NEK7: variants seen among roughly 807,000 people sequenced by gnomAD.
NEK7 encodes serine/threonine-protein kinase Nek7.
A neutral mutation model predicts 44.6 loss-of-function variants in NEK7; 18 were observed. The ratio of observed to expected loss-of-function variants is 0.40; its 90% CI spans 0.28 to 0.60. The LOEUF (loss-of-function observed/expected upper bound fraction) is 0.60. NEK7 is among the 20% of genes least tolerant of loss of function. NEK7 has a pLI of 0.38. For missense variants in NEK7, 256 were observed against 366.5 expected (o/e 0.70, Z 2.46); for synonymous variants, 130 against 121.1 (o/e 1.07, Z -0.48).
chr1:198,272,576 CT>C (rs1653888388), intron 5 of NEK7, among the ~76,000 whole-genome samples: 1 of 151,758 alleles, frequency 6.6e-6, no homozygotes, highest in Non-Finnish European at 1.5e-5. Flanking sequence ...TTCTGTTTAT[CT>C]TTGTGACCTT....
rs576679751 is a variant in NEK7 at position 198,267,642 on chromosome 1, C to T, written c.372+3407C>T. ...TATTTTTAGTAGAGATGGGATTTCCCCATATTGATCAGGGTGATCTCGAAC... is the reference window on the plus strand; with the variant it reads ...TATTTTTAGTAGAGATGGGATTTCCTCATATTGATCAGGGTGATCTCGAAC... On this transcript the variant is annotated intron_variant, in intron 5 of 9. Transcript: ENST00000367385. Among the ~76,000 whole-genome samples the T allele has an allele frequency of 3.0e-4, 46 of 151,970 alleles. No individual in the cohort carries two copies. In the South Asian group the frequency reaches 9.3e-3, roughly 31 times the overall value.
chr1:198,310,320 G>A (rs1655140069), intron 9 of NEK7, among the ~76,000 whole-genome samples: 1 of 151,932 alleles, frequency 6.6e-6, no homozygotes, highest in African/African-American at 2.4e-5. Context: ...ATTTGTTTGA[G>A]TTCATTGTAG....
At chr1:198,163,095 T>A (rs555835786) in intron 1 of NEK7, among the ~76,000 whole-genome samples, 2 of 152,286 alleles carry the variant, frequency 1.3e-5, no homozygotes, top group South Asian at 4.1e-4. Context: ...ATATTATGGT[T>A]GGAAAAGTTG....
At chr1:198,185,963 A>G (rs1255437053) in intron 1 of NEK7, among the ~76,000 whole-genome samples, 2 of 152,238 alleles carry the variant, frequency 1.3e-5, no homozygotes, top group Non-Finnish European at 2.9e-5. Flanking sequence ...ATGAAAATCT[A>G]TAAATCATCT....
At chr1:198,230,151 G>A (rs1666343807) in intron 1 of NEK7, among the ~76,000 whole-genome samples, 1 of 152,124 alleles carries the variant, frequency 6.6e-6, no homozygotes, top group African/African-American at 2.4e-5. Context: ...AGGGGTCTTT[G>A]ACCAGGAAAC....
intron 1 of NEK7, among the ~76,000 whole-genome samples, chr1:198,203,315 T>C (rs772618984): frequency 1.1e-4 from 17 of 152,330 alleles, no homozygotes; most frequent in Non-Finnish European, 1.3e-4. Context: ...AAATCTTTTG[T>C]ATAATGAAGA....
intron 1 of NEK7, among the ~76,000 whole-genome samples, chr1:198,198,899 C>T (rs917763754): frequency 5.9e-5 from 9 of 152,224 alleles, no homozygotes; most frequent in African/African-American, 1.9e-4. Context: ...CAATAAATTT[C>T]CTTCAGTTGG....
intron 9 of NEK7, among the ~76,000 whole-genome samples, chr1:198,317,618 TTGAAGGA>T (rs1250253862): frequency 2.0e-5 from 3 of 152,204 alleles, no homozygotes; most frequent in Non-Finnish European, 4.4e-5. Flanking sequence ...CTGAACCAGC[TTGAAGGA>T]TGTGGCAGTG....
At chr1:198,173,453 G>A (rs955208682) in intron 1 of NEK7, among the ~76,000 whole-genome samples, 16 of 150,950 alleles carry the variant, frequency 1.1e-4, no homozygotes, top group African/African-American at 3.9e-4. Flanking sequence ...AAAAAGGACA[G>A]CTTTTTTGAA....
chr1:198,234,305 G>T (rs1259984187), intron 2 of NEK7, among the ~76,000 whole-genome samples: 1 of 138,020 alleles, frequency 7.2e-6, no homozygotes, highest in African/African-American at 2.7e-5. Context: ...ATTTCAAGAA[G>T]AATTTTTTTT....
Position 198,319,506 on chromosome 1 carries a change from G to A in NEK7, c.893G>A (p.Cys298Tyr), listed in dbSNP as rs1655475737. The change falls in exon 10 of 10, where the codon TGC becomes TAC. Residue 298 changes from cysteine (C) to tyrosine (Y), a missense_variant. Transcript: ENST00000367385. ...VYDVAKRMHA[C>Y]TASS ...GACGTAGCAAAGAGGATGCATGCAT[G>A]CACTGCAAGCAGCTAAACATGCAAG... 1.9e-6 allele frequency: 3 copies of A among 1,607,538 alleles called. No individual in the cohort carries two copies. The highest frequency in any genetic ancestry group is 1.7e-4 in the Middle Eastern group (1 of 6,042).
chr1:198,298,496 T>C (rs1324395723), intron 9 of NEK7, among the ~76,000 whole-genome samples: 2 of 152,210 alleles, frequency 1.3e-5, no homozygotes, highest in Non-Finnish European at 2.9e-5. Context: ...GTGATGATAA[T>C]TTAAAAGTAT....
intron 4 of NEK7, among the ~76,000 whole-genome samples, chr1:198,263,894 T>C (rs780044267): frequency 6.6e-6 from 1 of 151,962 alleles, no homozygotes; most frequent in Non-Finnish European, 1.5e-5. Context: ...GATTTAAACG[T>C]AAAATATATT....
chr1:198,209,281 A>G (rs988226735), intron 1 of NEK7, among the ~76,000 whole-genome samples: 1 of 151,532 alleles, frequency 6.6e-6, no homozygotes, highest in African/African-American at 2.4e-5. Flanking sequence ...TGCTTTTCTT[A>G]AAAACAGTGT....
chr1:198,239,325 C>T (rs1025757817), intron 2 of NEK7, among the ~76,000 whole-genome samples: 1 of 152,046 alleles, frequency 6.6e-6, no homozygotes, highest in Admixed American at 6.6e-5. Flanking sequence ...TGTGCCATTT[C>T]GAATTTTGGA....
intron 9 of NEK7, among the ~76,000 whole-genome samples, chr1:198,302,574 T>C (rs1654921562): frequency 6.6e-6 from 1 of 152,170 alleles, no homozygotes; most frequent in South Asian, 2.1e-4. Flanking sequence ...AAAGTACAGG[T>C]ATTTTTTCCT....
At chr1:198,233,314 G>A (rs190848208) in intron 2 of NEK7, among the ~76,000 whole-genome samples, 561 of 152,172 alleles carry the variant, frequency 3.7e-3, no homozygotes, top group African/African-American at 0.013. Flanking sequence ...AGTAAAAAAT[G>A]TACACATATT....
chr1:198,313,843 T>A (rs374675683), intron 9 of NEK7, among the ~76,000 whole-genome samples: 1 of 151,966 alleles, frequency 6.6e-6, no homozygotes, highest in Non-Finnish European at 1.5e-5. Context: ...TGAGGGTAAC[T>A]CGACCTTTCT....
intron 1 of NEK7, among the ~76,000 whole-genome samples, chr1:198,230,958 A>G: frequency 6.6e-6 from 1 of 151,976 alleles, no homozygotes. Context: ...ACCCCATATT[A>G]TTAAGATGTC....
Sources: gnomAD v4.1 joint callset for allele counts (sites outside exome capture counted in the v4.1 genomes callset) on GRCh38, gnomAD v4.1.1 for gene constraint, MANE v1.5 for transcripts, NCBI Gene and HGNC (gene_info 2026-07-23, HGNC 2026-07-21) for gene names.